FRMD4A: variants seen among roughly 807,000 people sequenced by gnomAD.
The protein encoded by FRMD4A is FERM domain-containing protein 4A.
A neutral mutation model predicts 129.1 loss-of-function variants in FRMD4A; 29 were observed. The observed-to-expected ratio is 0.22, with a 90% CI of 0.17 to 0.31. FRMD4A has a LOEUF of 0.31. Ranked by LOEUF, FRMD4A falls within the 10% of genes least tolerant of loss-of-function variation. The probability of loss-of-function intolerance (pLI) is 1.00; values close to 1 mark genes in which losing one functional copy is unlikely to be tolerated. For missense variants in FRMD4A, 1,272 were observed against 1,375.8 expected (o/e 0.92, Z 1.19); for synonymous variants, 634 against 571.6 (o/e 1.11, Z -1.56).
intron 3 of FRMD4A, among the ~76,000 whole-genome samples, chr10:13,855,764 G>A (rs989536857): frequency 6.6e-6 from 1 of 152,236 alleles, no homozygotes; most frequent in Middle Eastern, 3.4e-3. Flanking sequence ...TAAAAACCTA[G>A]AGGTGGGTCC....
chr10:14,214,867 A>G (rs561592437), intron 2 of FRMD4A, among the ~76,000 whole-genome samples: 39 of 152,346 alleles, frequency 2.6e-4, no homozygotes, highest in African/African-American at 9.4e-4. Flanking sequence ...AGAACTATCT[A>G]CATAATAGCC....
chr10:14,228,237 T>C (rs1451459108), intron 2 of FRMD4A, among the ~76,000 whole-genome samples: 1 of 152,210 alleles, frequency 6.6e-6, no homozygotes, highest in East Asian at 1.9e-4. Context: ...GTCATTATTC[T>C]TGTTGCAAAA....
chr10:14,139,021 A>G (rs1461020007), intron 2 of FRMD4A, among the ~76,000 whole-genome samples: 1 of 152,138 alleles, frequency 6.6e-6, no homozygotes. Flanking sequence ...TAGGAATCTC[A>G]ATGATCTTGC....
chr10:13,693,796 T>G (rs1201986966), intron 15 of FRMD4A, 102 bp downstream of exon 15: 2 of 1,221,384 alleles, frequency 1.6e-6, no homozygotes. Context: ...TGGAGCAGCT[T>G]GCCCTGCAGT....
rs1178675181 is a variant in FRMD4A, at chr10:13,657,211, A to G, written c.2378T>C (p.Leu793Pro). Residue 793 changes from leucine to proline, a missense_variant, in exon 22 of 25, where the codon CTG becomes CCG. By Grantham distance (98) the Leu-to-Pro change is moderately conservative (BLOSUM62 -3). Around this residue, in one of 2 missense-constraint regions of FRMD4A, gnomAD observed 972 missense variants for 892.3 expected, o/e 1.09. Transcript: ENST00000357447. ...QRQRQRAAGA[L>P]GSASSGSMPN... ...CATGCTGCCCGAGCTGGCTGAGCCC[A>G]GTGCGCCCGCCGCCCGCTGCCGCTG... 2.0e-6 allele frequency: 3 copies of G among 1,501,678 alleles called. No homozygotes were observed. The highest frequency in any genetic ancestry group is 2.6e-5 in the East Asian group (1 of 37,874). 93.0% of individuals were successfully genotyped at this position (1,501,678 alleles called of 1,614,324 possible).
At chr10:14,090,754 G>C (rs1043029840) in intron 2 of FRMD4A, among the ~76,000 whole-genome samples, 1 of 152,152 alleles carries the variant, frequency 6.6e-6, no homozygotes, top group African/African-American at 2.4e-5. Flanking sequence ...TCTTTCTGCC[G>C]TGGATATAAA....
In FRMD4A at chr10:14,242,993, C is replaced by G. The variant is rs138879458; in HGVS notation, c.45+87065G>C. Among the ~76,000 whole-genome samples, 242 of 152,148 alleles carry G rather than the reference C, an allele frequency of 1.6e-3. 1 individual carries two copies. Among genetic ancestry groups the G allele is most frequent in the African/African-American group, 5.7e-3 (238 of 41,498 alleles). Reference sequence around the variant, plus strand: ...TAAAAGGTGGAAGTAAACTTTGTACCCATTATAGATGAATGGATAAATAAA... The same window carrying G: ...TAAAAGGTGGAAGTAAACTTTGTACGCATTATAGATGAATGGATAAATAAA... On this transcript the variant is annotated intron_variant, in intron 2 of 24. Coordinates refer to ENST00000357447, the MANE Select transcript of FRMD4A (RefSeq NM_018027.5).
chr10:13,869,471 C>T (rs1299192088), intron 2 of FRMD4A, among the ~76,000 whole-genome samples: 4 of 152,344 alleles, frequency 2.6e-5, no homozygotes, highest in East Asian at 3.9e-4. Flanking sequence ...TCCGCTGGGG[C>T]GGGTCCACAA....
At chr10:13,778,902 T>A (rs750726744) in intron 6 of FRMD4A, among the ~76,000 whole-genome samples, 1 of 152,184 alleles carries the variant, frequency 6.6e-6, no homozygotes, top group Non-Finnish European at 1.5e-5. Flanking sequence ...GGCACATGTA[T>A]ACCTATGTAA....
At chr10:13,941,777 C>T (rs921496144) in intron 2 of FRMD4A, among the ~76,000 whole-genome samples, 1 of 152,166 alleles carries the variant, frequency 6.6e-6, no homozygotes, top group Non-Finnish European at 1.5e-5. Flanking sequence ...GAATGGCTTC[C>T]CTGACATCAC....
At chr10:14,265,949 C>A (rs2132039485) in intron 2 of FRMD4A, among the ~76,000 whole-genome samples, 1 of 152,212 alleles carries the variant, frequency 6.6e-6, no homozygotes, top group South Asian at 2.1e-4. Context: ...ATGGTAAAGA[C>A]CTTATCACAT....
intron 2 of FRMD4A, among the ~76,000 whole-genome samples, chr10:13,928,423 T>C (rs1193141898): frequency 6.6e-6 from 1 of 152,088 alleles, no homozygotes; most frequent in Non-Finnish European, 1.5e-5. Flanking sequence ...AAACTCTGAA[T>C]TCTAATTAAT....
At chr10:14,311,734 C>A (rs577250130) in intron 2 of FRMD4A, among the ~76,000 whole-genome samples, 6 of 152,192 alleles carry the variant, frequency 3.9e-5, no homozygotes, top group Non-Finnish European at 5.9e-5. Flanking sequence ...ATCAAGCCAA[C>A]CCCCATCTGT....
intron 2 of FRMD4A, among the ~76,000 whole-genome samples, chr10:14,283,924 A>G (rs1309662904): frequency 1.3e-5 from 2 of 152,224 alleles, no homozygotes; most frequent in African/African-American, 2.4e-5. Flanking sequence ...GCCTTTGAGG[A>G]GTGTGCCAAT....
chr10:14,046,427 A>G (rs1833993963), intron 2 of FRMD4A, among the ~76,000 whole-genome samples: 1 of 152,142 alleles, frequency 6.6e-6, no homozygotes, highest in Non-Finnish European at 1.5e-5. Context: ...AATGTTCTAT[A>G]ATATAAAAAA....
chr10:14,214,698 T>A (rs1171515887), intron 2 of FRMD4A, among the ~76,000 whole-genome samples: 3 of 152,230 alleles, frequency 2.0e-5, no homozygotes, highest in Non-Finnish European at 2.9e-5. Flanking sequence ...TTTCTATAGA[T>A]AATCTTGTGT....
intron 6 of FRMD4A, among the ~76,000 whole-genome samples, chr10:13,779,822 G>T (rs1013694705): frequency 2.7e-5 from 4 of 149,932 alleles, no homozygotes; most frequent in Middle Eastern, 3.2e-3. Context: ...CTCAAAAGGC[G>T]TTGTGAAGAC....
At chr10:13,965,723 C>CCTTT (rs1026135759) in intron 2 of FRMD4A, among the ~76,000 whole-genome samples, 43 of 152,294 alleles carry the variant, frequency 2.8e-4, no homozygotes, top group African/African-American at 9.6e-4. Context: ...TGGAAATAAA[C>CCTTT]CTTTCTTTCT....
At chr10:14,150,127 C>G (rs368498031) in intron 2 of FRMD4A, among the ~76,000 whole-genome samples, 1 of 152,144 alleles carries the variant, frequency 6.6e-6, no homozygotes, top group Admixed American at 6.5e-5. Flanking sequence ...AAGGGGAAAT[C>G]CATCCCCATG....
Sources: gnomAD v4.1 joint callset for allele counts (sites outside exome capture counted in the v4.1 genomes callset) on GRCh38, gnomAD v4.1.1 for gene constraint, gnomAD v4.1.1 regional missense constraint, MANE v1.5 for transcripts, NCBI Gene and HGNC (gene_info 2026-07-23, HGNC 2026-07-21) for gene names.